Variants in GPC5 observed in about 807,000 individuals in gnomAD.
The protein encoded by GPC5 is glypican-5.
Under a neutral mutation model 53.9 loss-of-function variants are expected in GPC5, and 47 were observed. That is an observed-to-expected ratio of 0.87 (90% confidence interval 0.69 to 1.11). The LOEUF is 1.11. GPC5 is among the 50% of genes most tolerant of loss of function. The pLI is 0.00. For missense variants in GPC5, 748 were observed against 713.1 expected (o/e 1.05, Z -0.56); for synonymous variants, 286 against 263.3 (o/e 1.09, Z -0.84).
chr13:91,425,155 T>C (rs1878951520), intron 1 of GPC5, among the ~76,000 whole-genome samples: 1 of 152,234 alleles, frequency 6.6e-6, no homozygotes, highest in East Asian at 1.9e-4. Flanking sequence ...ATATACCAGG[T>C]ACTTGCTAGT....
intron 4 of GPC5, among the ~76,000 whole-genome samples, chr13:91,751,171 C>T (rs947813556): frequency 4.6e-5 from 7 of 152,158 alleles, no homozygotes; most frequent in Admixed American, 1.3e-4. Context: ...GGATCTCCCC[C>T]CAAATTTCTG....
At chr13:92,345,740 A>G (rs988630374) in intron 7 of GPC5, among the ~76,000 whole-genome samples, 8 of 152,120 alleles carry the variant, frequency 5.3e-5, no homozygotes, top group African/African-American at 1.9e-4. Flanking sequence ...GGAGGCATCC[A>G]ATCTTCCCTA....
intron 7 of GPC5, among the ~76,000 whole-genome samples, chr13:92,296,749 C>T (rs572787495): frequency 8.5e-5 from 13 of 152,268 alleles, no homozygotes; most frequent in South Asian, 2.1e-4. Context: ...TGGTGGGCCC[C>T]GCACTTGGAG....
At chr13:91,741,222 TC>T (rs1279855404) in intron 4 of GPC5, among the ~76,000 whole-genome samples, 1 of 152,236 alleles carries the variant, frequency 6.6e-6, no homozygotes, top group East Asian at 1.9e-4. Context: ...TGAGTTTTTT[TC>T]AATTTTGTCT....
chr13:92,180,154 T>A (rs2042136508), intron 7 of GPC5, among the ~76,000 whole-genome samples: 1 of 152,214 alleles, frequency 6.6e-6, no homozygotes, highest in African/African-American at 2.4e-5. Flanking sequence ...ATACCCAGCT[T>A]ATGCATGAAA....
chr13:92,046,332 G>T (rs2040981976), intron 6 of GPC5, among the ~76,000 whole-genome samples: 1 of 152,138 alleles, frequency 6.6e-6, no homozygotes, highest in African/African-American at 2.4e-5. Flanking sequence ...TGAAATGAAT[G>T]TCATCTTGTT....
chr13:91,575,869 G>A (rs1455179274), intron 2 of GPC5, among the ~76,000 whole-genome samples: 1 of 152,056 alleles, frequency 6.6e-6, no homozygotes, highest in Non-Finnish European at 1.5e-5. Context: ...TGTTTTTAAT[G>A]CCTTCTAGTT....
intron 6 of GPC5, among the ~76,000 whole-genome samples, chr13:91,935,593 T>A (rs1335706784): frequency 6.6e-6 from 1 of 151,978 alleles, no homozygotes; most frequent in African/African-American, 2.4e-5. Flanking sequence ...GTGGATTTTG[T>A]TATAGGATCC....
At chr13:91,780,885 T>C (rs1257401156) in intron 5 of GPC5, among the ~76,000 whole-genome samples, 3 of 152,178 alleles carry the variant, frequency 2.0e-5, no homozygotes, top group Non-Finnish European at 2.9e-5. Flanking sequence ...CATATAAGCT[T>C]TCTTATTCTT....
intron 2 of GPC5, among the ~76,000 whole-genome samples, chr13:91,553,887 A>C (rs2030793293): frequency 6.6e-6 from 1 of 152,098 alleles, no homozygotes; most frequent in Non-Finnish European, 1.5e-5. Flanking sequence ...AGCCCAAAAG[A>C]TTAGCAATGA....
intron 7 of GPC5, among the ~76,000 whole-genome samples, chr13:92,670,934 T>A (rs1886727533): frequency 6.6e-6 from 1 of 152,162 alleles, no homozygotes; most frequent in African/African-American, 2.4e-5. Context: ...GATCTGCATT[T>A]TCCAGGGAAC....
intron 5 of GPC5, among the ~76,000 whole-genome samples, chr13:91,865,216 G>T (rs940730995): frequency 4.6e-5 from 7 of 151,988 alleles, no homozygotes; most frequent in African/African-American, 1.7e-4. Flanking sequence ...GCCTGTTTTT[G>T]TCTTAATTTT....
chr13:91,872,232 A>G (rs2039153241), intron 5 of GPC5, among the ~76,000 whole-genome samples: 1 of 152,138 alleles, frequency 6.6e-6, no homozygotes, highest in South Asian at 2.1e-4. Flanking sequence ...AGCAAAGCAT[A>G]TATGAGATAC....
At chr13:92,754,071 G>C (rs1933979965) in intron 7 of GPC5, among the ~76,000 whole-genome samples, 1 of 152,198 alleles carries the variant, frequency 6.6e-6, no homozygotes, top group Non-Finnish European at 1.5e-5. Flanking sequence ...GTTAAAGGCA[G>C]CCAGAGAGAA....
chr13:91,400,860 A>G (rs1249122985), intron 1 of GPC5, among the ~76,000 whole-genome samples: 6 of 152,232 alleles, frequency 3.9e-5, no homozygotes, highest in Non-Finnish European at 8.8e-5. Flanking sequence ...CCAGGATGTC[A>G]GGGAAAACTA....
chr13:92,593,777 C>A (rs1187563714), intron 7 of GPC5, among the ~76,000 whole-genome samples: 1 of 152,104 alleles, frequency 6.6e-6, no homozygotes, highest in African/African-American at 2.4e-5. Context: ...AAGAAGGAGA[C>A]AATCAACAGC....
chr13:92,594,516 A>C (rs1883806830), intron 7 of GPC5, among the ~76,000 whole-genome samples: 1 of 152,150 alleles, frequency 6.6e-6, no homozygotes, highest in African/African-American at 2.4e-5. Flanking sequence ...GTGCCCTCCC[A>C]CTGTAAAACA....
At chr13:92,759,403 C>T (rs1334044676) in intron 7 of GPC5, among the ~76,000 whole-genome samples, 2 of 151,740 alleles carry the variant, frequency 1.3e-5, no homozygotes, top group African/African-American at 4.8e-5. Context: ...TTTGTGTTCC[C>T]TTTTTTTCAT....
intron 7 of GPC5, among the ~76,000 whole-genome samples, chr13:92,472,527 A>G (rs1594231135): frequency 6.6e-6 from 1 of 152,272 alleles, no homozygotes; most frequent in East Asian, 1.9e-4. Flanking sequence ...ACCTCTTGCC[A>G]GTTGCCCAAA....
Sources: allele counts gnomAD v4.1 joint callset (sites outside exome capture counted in the v4.1 genomes callset), GRCh38; gene constraint gnomAD v4.1.1; transcripts MANE v1.5; gene names NCBI Gene and HGNC (gene_info 2026-07-23, HGNC 2026-07-21).